PLCB1: variants seen among roughly 807,000 people sequenced by gnomAD.
The protein encoded by PLCB1 is phospholipase C beta 1, also known as 1-phosphatidylinositol 4,5-bisphosphate phosphodiesterase beta-1.
Under a neutral mutation model 161.8 loss-of-function variants are expected in PLCB1, and 46 were observed. The observed-to-expected ratio is 0.28, with a 90% CI of 0.22 to 0.36. PLCB1 has a LOEUF of 0.36. PLCB1 is among the 10% of genes least tolerant of loss of function. The pLI is 1.00. For synonymous variants in PLCB1, 517 were observed against 503.7 expected (o/e 1.03, Z -0.35); for missense variants, 1,016 against 1,472.5 (o/e 0.69, Z 5.07).
At chr20:8,667,033 G>A (rs1008409776) in intron 9 of PLCB1, among the ~76,000 whole-genome samples, 1 of 152,102 alleles carries the variant, frequency 6.6e-6, no homozygotes, top group Admixed American at 6.6e-5. Flanking sequence ...TCACAATTAA[G>A]GTGGCATCCA....
chr20:8,801,940 CTG>C (rs2146239751), intron 31 of PLCB1: 2 of 727,406 alleles, frequency 2.7e-6, no homozygotes, highest in South Asian at 1.5e-5. Context: ...GGAGTTAAAA[CTG>C]TACTCTAGAA....
chr20:8,253,058 A>G (rs1600263957), intron 2 of PLCB1, among the ~76,000 whole-genome samples: 1 of 151,914 alleles, frequency 6.6e-6, no homozygotes, highest in Non-Finnish European at 1.5e-5. Flanking sequence ...AAATACTATG[A>G]GTGTTCTCAT....
intron 3 of PLCB1, among the ~76,000 whole-genome samples, chr20:8,426,775 A>G (rs967569311): frequency 1.3e-5 from 2 of 152,210 alleles, no homozygotes; most frequent in Admixed American, 6.5e-5. Context: ...CTGTCTGTGT[A>G]TCTCATAACA....
rs148565946 is a variant in PLCB1, at chr20:8,269,827, A to G, written c.178-101555A>G. 2.2e-3 allele frequency among the ~76,000 whole-genome samples: 338 copies of G among 152,290 alleles called. 1 individual carries two copies. The highest frequency in any genetic ancestry group is 7.4e-3 in the African/African-American group (306 of 41,568). ...GCATATGGCAAAATAAACTTTCAAA[A>G]TTAGGAAGCTCTGAGAAATAAATAA... is the stretch of plus-strand genomic sequence containing the variant. On this transcript the variant is annotated intron_variant, in intron 2 of 31. Coordinates refer to ENST00000338037, the MANE Select transcript of PLCB1 (RefSeq NM_015192.4).
rs2051298978 is a variant in PLCB1, at chr20:8,132,339, A to C, written c.-313A>C. 2 of 227,420 alleles carry C rather than the reference A, an allele frequency of 8.8e-6. No homozygotes were observed. Among genetic ancestry groups the C allele is most frequent in the Non-Finnish European group, 1.7e-5 (2 of 117,648 alleles). The allele number at this position is 227,420 out of a possible 1,614,324, so 14.1% of individuals were successfully genotyped here. A position where few individuals can be genotyped will look rare whatever the true frequency, so the allele number is the denominator to read the frequency against. On this transcript the variant is annotated 5_prime_UTR_variant, in exon 1 of 32. Transcript: ENST00000338037. The surrounding 1 kb of genome is among the most constrained non-coding windows in gnomAD (Gnocchi z 5.2). Reference sequence around the variant, plus strand: ...TGAGGCGGCGGCGGCGGAGGAGCAGAATCCGCCGCGACTGGCAGCCTCGGC... The same window carrying C: ...TGAGGCGGCGGCGGCGGAGGAGCAGCATCCGCCGCGACTGGCAGCCTCGGC...
chr20:8,848,112 TCACCTCTTGTTTGCCC>T (rs1394192632), intron 31 of PLCB1, among the ~76,000 whole-genome samples: 1 of 152,176 alleles, frequency 6.6e-6, no homozygotes, highest in African/African-American at 2.4e-5. Flanking sequence ...CTTGACTTAA[TCACCTCTTGTTTGCCC>T]CACCTGTTAA....
At chr20:8,373,886 C>T (rs540224161) in intron 3 of PLCB1, among the ~76,000 whole-genome samples, 1 of 152,162 alleles carries the variant, frequency 6.6e-6, no homozygotes, top group Non-Finnish European at 1.5e-5. Flanking sequence ...CTTCAAATTT[C>T]CAGAGAAAAC....
At chr20:8,341,594 C>G (rs1217860558) in intron 2 of PLCB1, among the ~76,000 whole-genome samples, 1 of 152,184 alleles carries the variant, frequency 6.6e-6, no homozygotes, top group Non-Finnish European at 1.5e-5. Flanking sequence ...CAGAGGCCCT[C>G]CCAGTCCCAA....
In PLCB1 at chr20:8,425,525, A is replaced by T. The variant is rs151053702; in HGVS notation, c.246+54075A>T. Among the ~76,000 whole-genome samples, 430 of 152,256 alleles carry T rather than the reference A, an allele frequency of 2.8e-3. 3 individuals are homozygous for T. Among genetic ancestry groups the T allele is most frequent in the Non-Finnish European group, 4.0e-3 (269 of 68,008 alleles). ...GGGGCACCTGAGATTCTGTATCTCA[A>T]ACTGGGCCCTGGGTGTTGCTATAGA... is the stretch of plus-strand genomic sequence containing the variant. On this transcript the variant is annotated intron_variant, in intron 3 of 31. Transcript: ENST00000338037.
At chr20:8,403,226 C>T (rs959363091) in intron 3 of PLCB1, among the ~76,000 whole-genome samples, 1 of 152,030 alleles carries the variant, frequency 6.6e-6, no homozygotes, top group African/African-American at 2.4e-5. Flanking sequence ...CCTCCTCAGC[C>T]CCACAAAGCC....
intron 3 of PLCB1, among the ~76,000 whole-genome samples, chr20:8,530,653 A>G (rs6118235): frequency 0.092 from 14,066 of 152,136 alleles, 842 homozygotes; most frequent in East Asian, 0.22. Context: ...CGACATGTAT[A>G]TTCTCCACTC....
At position 8,649,437 on chromosome 20, in the gene PLCB1, T is replaced by C. The variant is rs150770296; in HGVS notation, c.582T>C (p.Leu194=). 890 of 1,610,556 alleles carry C rather than the reference T, an allele frequency of 5.5e-4. 2 individuals are homozygous for C. The African/African-American group carries it at 0.011, about 20-fold the overall frequency. ...RVETALEACS[L]PSSRNDSIPQ... is the part of the protein sequence containing the mutation. ...AAACTGCTTTAGAGGCTTGTAGTCT[T>C]CCATCTTCAAGGGTGAGCATGTGTG... Residue 194 remains leucine, a synonymous_variant, in exon 7 of 32, where the codon CTT becomes CTC. Transcript: ENST00000338037.
chr20:8,846,554 C>T (rs978836087), intron 31 of PLCB1, among the ~76,000 whole-genome samples: 7 of 152,096 alleles, frequency 4.6e-5, no homozygotes, highest in South Asian at 4.1e-4. Flanking sequence ...GACTTTAAAA[C>T]GAGCTCCCAG....
intron 7 of PLCB1, chr20:8,653,192 T>C (rs1989366516): frequency 1.3e-5 from 2 of 152,210 alleles, no homozygotes; most frequent in East Asian, 3.9e-4. Context: ...TAAAGTTTAC[T>C]GTAGTTGGTG....
rs554770221 is a variant in PLCB1 at position 8,285,224 on chromosome 20, G to A, written c.178-86158G>A. Among the ~76,000 whole-genome samples the A allele has an allele frequency of 1.2e-3, 184 of 148,604 alleles. 1 individual carries two copies. Among genetic ancestry groups the A allele is most frequent in the African/African-American group, 3.8e-3 (156 of 40,840 alleles). ...TCCCAAATGTATGCTCCTTCTCTTC[G>A]TTTTGCTTTTATATATATATATTTC... On this transcript the variant is annotated intron_variant, in intron 2 of 31. Coordinates refer to ENST00000338037, the MANE Select transcript of PLCB1 (RefSeq NM_015192.4).
chr20:8,854,816 T>C (rs1475306796), intron 31 of PLCB1, among the ~76,000 whole-genome samples: 4 of 152,236 alleles, frequency 2.6e-5, no homozygotes, highest in Non-Finnish European at 5.9e-5. Context: ...GTTATCTCAG[T>C]TCTTGCTCTG....
intron 3 of PLCB1, among the ~76,000 whole-genome samples, chr20:8,570,038 T>C (rs1007038055): frequency 1.1e-4 from 16 of 152,174 alleles, no homozygotes; most frequent in Non-Finnish European, 1.8e-4. Flanking sequence ...TTCTCTTCAC[T>C]CTTCCTTAAT....
intron 9 of PLCB1, among the ~76,000 whole-genome samples, chr20:8,684,325 C>T (rs1306613289): frequency 6.6e-5 from 10 of 151,814 alleles, no homozygotes; most frequent in African/African-American, 2.4e-4. Context: ...GGCGCCATCT[C>T]GGCTCAATGC....
chr20:8,321,018 G>C (rs988995411), intron 2 of PLCB1, among the ~76,000 whole-genome samples: 4 of 139,448 alleles, frequency 2.9e-5, no homozygotes, highest in Non-Finnish European at 6.2e-5. Context: ...CAGGGAGGGA[G>C]ATAAAGAAAG....
Sources: allele counts gnomAD v4.1 joint callset (sites outside exome capture counted in the v4.1 genomes callset), GRCh38; gene constraint gnomAD v4.1.1; non-coding constraint Gnocchi (gnomAD v3.1); transcripts MANE v1.5; gene names NCBI Gene and HGNC (gene_info 2026-07-23, HGNC 2026-07-21).